The following CFTR variants were observed in gnomAD, a reference collection of about 807,000 sequenced individuals.
CFTR encodes cystic fibrosis transmembrane conductance regulator.
In CFTR, 181 loss-of-function variants were observed where a neutral mutation model predicts 171.6. That is an observed-to-expected ratio of 1.05 (90% confidence interval 0.93 to 1.19). The LOEUF (loss-of-function observed/expected upper bound fraction) is 1.19, where lower values mean the gene tolerates loss of function less well. Among genes scored for constraint, CFTR ranks in the 50% most tolerant of loss-of-function variants. CFTR has a pLI of 0.00. For missense variants in CFTR, 1,968 were observed against 1,734.7 expected, an observed-to-expected ratio of 1.13 and a Z score of -2.39; for synonymous variants, 583 against 608.0, an observed-to-expected ratio of 0.96 and a Z score of 0.60.
chr7:117,668,306 G>A lies in CFTR; in HGVS notation c.*1198G>A, dbSNP rs1049150154. 2.0e-5 allele frequency: 3 copies of A among 152,068 alleles called. No individual in the cohort carries two copies. Among genetic ancestry groups the A allele is most frequent in the South Asian group, 2.1e-4 (1 of 4,828 alleles). 9.4% of individuals were successfully genotyped at this position (152,068 alleles called of 1,614,324 possible). On this transcript the variant is annotated 3_prime_UTR_variant, in exon 27 of 27. Transcript: ENST00000003084. The stretch of plus-strand genomic sequence containing the variant: ...AAAAGAATGATTATGAATTACATTT[G>A]TATAAAATAATTTTTATATTTGAAA...
chr7:117,539,124 G>A (rs1799005197), intron 7 of CFTR, among the ~76,000 whole-genome samples: 1 of 152,050 alleles, frequency 6.6e-6, no homozygotes, highest in Non-Finnish European at 1.5e-5. Context: ...CTTTCCTTGG[G>A]CAAGAGCTGG....
chr7:117,643,199 G>T (rs1168943942), intron 23 of CFTR, among the ~76,000 whole-genome samples: 1 of 152,104 alleles, frequency 6.6e-6, no homozygotes, highest in Non-Finnish European at 1.5e-5. Flanking sequence ...AACAGTTCCA[G>T]TTTAAAGTGA....
Position 117,611,708 on chromosome 7 carries a change from G to C in CFTR, c.3267G>C (p.Trp1089Cys), listed in dbSNP as rs150020260. 2 of 1,613,334 alleles carry C rather than the reference G, an allele frequency of 1.2e-6. No individual in the cohort carries two copies. The highest frequency in any genetic ancestry group is 8.5e-7 in the Non-Finnish European group (1 of 1,179,702). Residue 1089 changes from tryptophan (W) to cysteine (C), a missense_variant, in exon 20 of 27, where the codon TGG (tryptophan) becomes TGC (cysteine). Trp to Cys is a radical substitution (Grantham distance 215). Coordinates refer to ENST00000003084, the MANE Select transcript of CFTR (RefSeq NM_000492.4). ...HKALNLHTAN[W>C]FLYLSTLRWF... ...CTCTGAATTTACATACTGCCAACTG[G>C]TTCTTGTACCTGTCAACACTGCGCT...
At chr7:117,595,396 AG>A (rs1489991990) in intron 15 of CFTR, among the ~76,000 whole-genome samples, 1 of 150,580 alleles carries the variant, frequency 6.6e-6, no homozygotes, top group Non-Finnish European at 1.5e-5. Flanking sequence ...TTAATAATAA[AG>A]GTTAAGAGAT....
rs1237292560 is a variant in CFTR at position 117,530,996 on chromosome 7, G to A, written c.371G>A (p.Gly124Asp). ...GAACGCTCTATCGCGATTTATCTAG[G>A]CATAGGCTTATGCCTTCTCTTTATT... ...KEERSIAIYLGIGLCLLFIVR... is the reference protein window; with the variant it reads ...KEERSIAIYLDIGLCLLFIVR... Residue 124 changes from glycine (G) to aspartate (D), a missense_variant, in exon 4 of 27, where the codon GGC becomes GAC. Transcript: ENST00000003084. 6.2e-7 allele frequency: 1 copy of A among 1,613,688 alleles called. No homozygotes were observed. The highest frequency in any genetic ancestry group is 1.3e-5 in the African/African-American group (1 of 75,026).
intron 1 of CFTR, among the ~76,000 whole-genome samples, chr7:117,490,702 C>T (rs995456240): frequency 6.6e-6 from 1 of 151,998 alleles, no homozygotes. Flanking sequence ...CAAATAATGC[C>T]AGACATAGGG....
chr7:117,644,750 C>T (rs1027879685), intron 23 of CFTR, among the ~76,000 whole-genome samples: 1 of 152,096 alleles, frequency 6.6e-6, no homozygotes, highest in Admixed American at 6.6e-5. Context: ...AGACAGCAAT[C>T]TTGGAGAATC....
chr7:117,633,423 A>G (rs975215056), intron 22 of CFTR, among the ~76,000 whole-genome samples: 2 of 152,078 alleles, frequency 1.3e-5, no homozygotes, highest in African/African-American at 4.8e-5. Flanking sequence ...AATTATTTTG[A>G]ATCTTCTACA....
chr7:117,571,401 T>G (rs371844860), intron 11 of CFTR, among the ~76,000 whole-genome samples: 2 of 152,304 alleles, frequency 1.3e-5, no homozygotes, highest in East Asian at 1.9e-4. Context: ...AGGCAGCATT[T>G]GGGCATTTCT....
Position 117,480,033 on chromosome 7 carries a change from T to A in CFTR, c.-62T>A. Reference sequence around the variant, plus strand: ...AGCGGCAGGCACCCAGAGTAGTAGGTCTTTGGCATTAGGAGCTTGAGCCCA... The same window carrying A: ...AGCGGCAGGCACCCAGAGTAGTAGGACTTTGGCATTAGGAGCTTGAGCCCA... On this transcript the variant is annotated 5_prime_UTR_variant, in exon 1 of 27. Transcript: ENST00000003084. The A allele has an allele frequency of 6.8e-7, 1 of 1,475,018 alleles. No homozygotes were observed. The highest frequency in any genetic ancestry group is 1.1e-5 in the South Asian group (1 of 88,378). The allele number at this position is 1,475,018 out of a possible 1,614,324, so 91.4% of individuals were successfully genotyped here. A position where few individuals can be genotyped will look rare whatever the true frequency, so the allele number is the denominator to read the frequency against.
chr7:117,559,733 T>C (rs528601962), intron 11 of CFTR, 78 bp downstream of exon 11: 13 of 960,044 alleles, frequency 1.4e-5, no homozygotes, highest in African/African-American at 3.2e-5. Flanking sequence ...TGGCTCCATA[T>C]TCAATCGGTT....
intron 25 of CFTR, 127 bp downstream of exon 25, chr7:117,664,987 A>G (rs1332601135): frequency 2.0e-6 from 2 of 994,776 alleles, no homozygotes; most frequent in Admixed American, 3.5e-5. Flanking sequence ...AAGATATGAA[A>G]TAATTGCCCA....
intron 12 of CFTR, among the ~76,000 whole-genome samples, chr7:117,589,011 T>A (rs1352331168): frequency 6.6e-6 from 1 of 152,142 alleles, no homozygotes; most frequent in Non-Finnish European, 1.5e-5. Flanking sequence ...ATAGAGTATA[T>A]GGCTTCTAGA....
At position 117,559,602 on chromosome 7, in the gene CFTR, T is replaced by C; in HGVS notation, c.1531T>C (p.Ser511Pro). The C allele has an allele frequency of 6.2e-7, 1 of 1,612,896 alleles. No individual in the cohort carries two copies. Among genetic ancestry groups the C allele is most frequent in the Non-Finnish European group, 8.5e-7 (1 of 1,179,060 alleles). Residue 511 changes from serine (S) to proline (P), a missense_variant, in exon 11 of 27, where the codon TCC becomes CCC. Ser to Pro is a moderately conservative substitution (Grantham distance 74). Coordinates refer to ENST00000003084, the MANE Select transcript of CFTR (RefSeq NM_000492.4). ...TAAAGAAAATATCATCTTTGGTGTT[T>C]CCTATGATGAATATAGATACAGAAG... ...TIKENIIFGVSYDEYRYRSVI... is the reference protein window; with the variant it reads ...TIKENIIFGVPYDEYRYRSVI...
At chr7:117,508,602 A>G (rs772928796) in intron 2 of CFTR, among the ~76,000 whole-genome samples, 12 of 152,244 alleles carry the variant, frequency 7.9e-5, no homozygotes, top group Non-Finnish European at 1.3e-4. Flanking sequence ...TTGATTTGAC[A>G]GTGAAATCTT....
intron 17 of CFTR, 89 bp from the exon 18 acceptor site, chr7:117,606,585 T>G (rs1307511026): frequency 5.1e-6 from 4 of 786,476 alleles, no homozygotes; most frequent in Non-Finnish European, 9.1e-6. Context: ...TGAATGCGTC[T>G]ACTGTGATCC....
At position 117,643,190 on chromosome 7, in the gene CFTR, A is replaced by G. The variant is rs547187495; in HGVS notation, c.3873+597A>G. Among the ~76,000 whole-genome samples the G allele has an allele frequency of 3.9e-5, 6 of 152,258 alleles. No individual in the cohort carries two copies. In the South Asian group the frequency reaches 1.2e-3, roughly 32 times the overall value. ...CTTCTTGTATATGAGAGAAATAGCA[A>G]CAGTTCCAGTTTAAAGTGATATAAA... On this transcript the variant is annotated intron_variant, in intron 23 of 26. Coordinates refer to ENST00000003084, the MANE Select transcript of CFTR (RefSeq NM_000492.4).
intron 5 of CFTR, among the ~76,000 whole-genome samples, chr7:117,534,653 C>T (rs958837271): frequency 8.5e-5 from 13 of 152,104 alleles, no homozygotes; most frequent in Non-Finnish European, 2.9e-5. Flanking sequence ...CTGTTATGTA[C>T]TTTGGCCAGA....
intron 8 of CFTR, among the ~76,000 whole-genome samples, chr7:117,541,013 C>T (rs779101933): frequency 4.6e-5 from 7 of 152,158 alleles, no homozygotes; most frequent in South Asian, 2.1e-4. Context: ...TAGTCAACTG[C>T]GTCCTCCTTT....
Sources: allele counts gnomAD v4.1 joint callset (sites outside exome capture counted in the v4.1 genomes callset), GRCh38; gene constraint gnomAD v4.1.1; transcripts MANE v1.5; gene names NCBI Gene and HGNC (gene_info 2026-07-23, HGNC 2026-07-21).